The following KHDRBS2 variants were observed in gnomAD, a reference collection of about 807,000 sequenced individuals.
KHDRBS2 encodes KH domain-containing, RNA-binding, signal transduction-associated protein 2.
A neutral mutation model predicts 44.3 loss-of-function variants in KHDRBS2; 26 were observed. The ratio of observed to expected loss-of-function variants is 0.59; its 90% CI spans 0.43 to 0.81. The LOEUF is 0.81. Ranked by LOEUF, KHDRBS2 falls within the 40% of genes least tolerant of loss-of-function variation. The pLI is 0.00. For missense variants in KHDRBS2, 476 were observed against 433.1 expected (o/e 1.10, Z -0.88); for synonymous variants, 194 against 151.1 (o/e 1.28, Z -2.08).
intron 1 of KHDRBS2, among the ~76,000 whole-genome samples, chr6:62,264,723 T>C (rs531102279): frequency 6.6e-6 from 1 of 151,884 alleles, no homozygotes; most frequent in South Asian, 2.1e-4. Context: ...CTGCCTTTCT[T>C]TTTTTCTGAA....
At chr6:61,598,241 A>G in the KHDRBS2 span, among the ~76,000 whole-genome samples, 2 of 151,570 alleles carry the variant, frequency 1.3e-5, no homozygotes, top group Non-Finnish European at 3.0e-5. Context: ...CATACTCTAG[A>G]TATAAACCAA....
rs954875586 is a variant in KHDRBS2, at chr6:62,119,711, G to T, written c.219+57474C>A. On this transcript the variant is annotated intron_variant, in intron 2 of 8. Coordinates refer to ENST00000281156, the MANE Select transcript of KHDRBS2 (RefSeq NM_152688.4). ...AGGAAACAGCCTCCCTGCCCCCAGTGGTGGCAACATTCCCTCCTCCACTCA... is the reference window on the plus strand; with the variant it reads ...AGGAAACAGCCTCCCTGCCCCCAGTTGTGGCAACATTCCCTCCTCCACTCA... 2.6e-5 allele frequency among the ~76,000 whole-genome samples: 4 copies of T among 152,146 alleles called. 1 individual carries two copies. The South Asian group carries it at 8.3e-4, about 32-fold the overall frequency.
chr6:62,215,374 G>A lies in KHDRBS2; in HGVS notation c.92-38062C>T, dbSNP rs143555435. Reference sequence around the variant, plus strand: ...TATGGGAGAGTAGCTTACTGTAGACGGAAGGAGATAGAGACTGGTTATGAT... The same window carrying A: ...TATGGGAGAGTAGCTTACTGTAGACAGAAGGAGATAGAGACTGGTTATGAT... On this transcript the variant is annotated intron_variant, in intron 1 of 8. Coordinates refer to ENST00000281156, the MANE Select transcript of KHDRBS2 (RefSeq NM_152688.4). Among the ~76,000 whole-genome samples, 387 of 151,728 alleles carry A rather than the reference G, an allele frequency of 2.6e-3. 3 individuals are homozygous for A. The highest frequency in any genetic ancestry group is 8.4e-3 in the African/African-American group (350 of 41,470).
chr6:61,616,066 AT>A, the KHDRBS2 span, among the ~76,000 whole-genome samples: 3 of 152,196 alleles, frequency 2.0e-5, no homozygotes, highest in Admixed American at 1.3e-4. Flanking sequence ...AGTTAGACAG[AT>A]TATAGTTCTG....
At chr6:62,001,111 G>C (rs1442128559) in intron 3 of KHDRBS2, among the ~76,000 whole-genome samples, 1 of 152,032 alleles carries the variant, frequency 6.6e-6, no homozygotes. Context: ...CTTACGTTCT[G>C]GTCACCTTAC....
intron 6 of KHDRBS2, among the ~76,000 whole-genome samples, chr6:61,757,657 CCT>C (rs950267599): frequency 6.6e-6 from 1 of 151,972 alleles, no homozygotes; most frequent in Non-Finnish European, 1.5e-5. Context: ...TTCCGTTTTT[CCT>C]CTTTTTCTGA....
chr6:61,811,315 T>G (rs1023692049), intron 6 of KHDRBS2, among the ~76,000 whole-genome samples: 5 of 152,198 alleles, frequency 3.3e-5, no homozygotes, highest in African/African-American at 1.2e-4. Context: ...CATTCCATGA[T>G]GTATATGTAC....
chr6:61,922,515 C>T (rs1490711847), intron 4 of KHDRBS2, among the ~76,000 whole-genome samples: 5 of 151,916 alleles, frequency 3.3e-5, no homozygotes, highest in Non-Finnish European at 1.5e-5. Flanking sequence ...CAATTCAGTG[C>T]CTGTGTAGGA....
chr6:61,854,733 A>G (rs764320141), intron 6 of KHDRBS2, among the ~76,000 whole-genome samples: 7 of 152,206 alleles, frequency 4.6e-5, no homozygotes, highest in Non-Finnish European at 7.3e-5. Flanking sequence ...GAAACAGAAT[A>G]AAGTGAGGTA....
At chr6:61,655,225 TACACACACACAC>T in the KHDRBS2 span, among the ~76,000 whole-genome samples, 3,632 of 145,292 alleles carry the variant, frequency 0.025, 64 homozygotes, top group Middle Eastern at 0.078. Context: ...CATACATACA[TACACACACACAC>T]ACACACACAC....
At chr6:61,985,643 G>T (rs1583974618) in intron 3 of KHDRBS2, among the ~76,000 whole-genome samples, 1 of 152,098 alleles carries the variant, frequency 6.6e-6, no homozygotes, top group Non-Finnish European at 1.5e-5. Context: ...GCTCAAGTTG[G>T]ACCTCGTTAT....
chr6:61,773,418 T>C (rs1246967753), intron 6 of KHDRBS2, among the ~76,000 whole-genome samples: 1 of 152,156 alleles, frequency 6.6e-6, no homozygotes, highest in Admixed American at 6.5e-5. Flanking sequence ...TTCATGTGTT[T>C]TTTTGGCTGC....
At chr6:62,199,270 T>C (rs1028460678) in intron 1 of KHDRBS2, among the ~76,000 whole-genome samples, 4 of 152,112 alleles carry the variant, frequency 2.6e-5, no homozygotes, top group Non-Finnish European at 4.4e-5. Flanking sequence ...ATAAAGGTCA[T>C]TCAATTAGGA....
chr6:61,598,756 C>G, the KHDRBS2 span, among the ~76,000 whole-genome samples: 2 of 150,452 alleles, frequency 1.3e-5, no homozygotes, highest in Non-Finnish European at 3.0e-5. Context: ...GGTTCCTTGA[C>G]CTAGAATCAA....
chr6:61,980,183 C>A (rs1014907049), intron 3 of KHDRBS2, among the ~76,000 whole-genome samples: 1 of 152,132 alleles, frequency 6.6e-6, no homozygotes, highest in Non-Finnish European at 1.5e-5. Context: ...ATTTTATAAA[C>A]CCATACTGCT....
At chr6:61,681,115 A>G in intron 8 of KHDRBS2, 55 bp from the exon 9 acceptor site, 1 of 1,191,000 alleles carries the variant, frequency 8.4e-7, no homozygotes. Flanking sequence ...TACCAAAAAT[A>G]GTCATTTAAG....
At chr6:61,591,602 A>G in the KHDRBS2 span, among the ~76,000 whole-genome samples, 2 of 152,106 alleles carry the variant, frequency 1.3e-5, no homozygotes, top group Non-Finnish European at 2.9e-5. Flanking sequence ...TTGATCAAGC[A>G]GTGGTTTGTG....
At chr6:62,206,877 A>T (rs1828066992) in intron 1 of KHDRBS2, among the ~76,000 whole-genome samples, 1 of 152,080 alleles carries the variant, frequency 6.6e-6, no homozygotes, top group Non-Finnish European at 1.5e-5. Context: ...ACTTCAGTAA[A>T]AATTCCTTAA....
At chr6:62,108,864 C>T (rs1377337760) in intron 2 of KHDRBS2, among the ~76,000 whole-genome samples, 2 of 152,066 alleles carry the variant, frequency 1.3e-5, no homozygotes, top group Non-Finnish European at 2.9e-5. Context: ...CCAAACACCG[C>T]ATGTTCTCAC....
Sources: allele counts gnomAD v4.1 joint callset (sites outside exome capture counted in the v4.1 genomes callset), GRCh38; gene constraint gnomAD v4.1.1; transcripts MANE v1.5; gene names NCBI Gene and HGNC (gene_info 2026-07-23, HGNC 2026-07-21).